JAKMIP3: variants seen among roughly 807,000 people sequenced by gnomAD.
JAKMIP3 encodes the protein janus kinase and microtubule-interacting protein 3.
JAKMIP3 carries 58 observed loss-of-function variants against 118.5 expected under a neutral mutation model. That is an observed-to-expected ratio of 0.49 (90% CI 0.40 to 0.61). The LOEUF (loss-of-function observed/expected upper bound fraction) is 0.61, where lower values mean the gene tolerates loss of function less well. Ranked by LOEUF, JAKMIP3 falls within the 20% of genes least tolerant of loss-of-function variation. The probability of loss-of-function intolerance (pLI) is 0.00; values close to 1 mark genes in which losing one functional copy is unlikely to be tolerated. For synonymous variants in JAKMIP3, 486 were observed against 451.2 expected (o/e 1.08, Z -0.98); for missense variants, 950 against 1,109.0 (o/e 0.86, Z 2.04).
chr10:132,158,107 G>A (rs1279963803), intron 19 of JAKMIP3, among the ~76,000 whole-genome samples: 3 of 9,434 alleles, frequency 3.2e-4, no homozygotes, highest in East Asian at 6.1e-4. Flanking sequence ...CCCCGCCCCC[G>A]GCAGCATCTG....
chr10:132,157,327 C>A (rs1372391658), intron 19 of JAKMIP3, among the ~76,000 whole-genome samples: 1 of 152,092 alleles, frequency 6.6e-6, no homozygotes, highest in Non-Finnish European at 1.5e-5. Flanking sequence ...ACAGCCAGGG[C>A]GCTTCCCACC....
At chr10:132,181,040 C>T (rs1268135820) in intron 23 of JAKMIP3, among the ~76,000 whole-genome samples, 4 of 151,604 alleles carry the variant, frequency 2.6e-5, no homozygotes, top group African/African-American at 9.7e-5. Flanking sequence ...TGCACATGTG[C>T]AGGTATGTGT....
At chr10:132,180,588 T>TGTGTGTGCGTGCGC (rs1565018860) in intron 23 of JAKMIP3, among the ~76,000 whole-genome samples, 1 of 28,026 alleles carries the variant, frequency 3.6e-5, no homozygotes, top group African/African-American at 2.4e-4. Flanking sequence ...TGCGTGCGCG[T>TGTGTGTGCGTGCGC]GTGTGTGTGC....
Position 132,133,218 on chromosome 10 carries a change from A to G in JAKMIP3, c.634-94A>G, listed in dbSNP as rs569915653. On this transcript the variant is annotated intron_variant, in intron 3 of 23. Transcript: ENST00000684848. ...ATGCTTCGCTTTTGCTTCCGGTCTC[A>G]GAGCCCAGAGCCTGGCAGGGCTGCG... is the stretch of plus-strand genomic sequence containing the variant. 9.0e-6 allele frequency: 10 copies of G among 1,114,812 alleles called. No individual in the cohort carries two copies. In the African/African-American group the frequency reaches 9.4e-5, roughly 10 times the overall value. 69.1% of individuals were successfully genotyped at this position (1,114,812 alleles called of 1,614,324 possible).
Position 132,117,424 on chromosome 10 carries a change from C to T in JAKMIP3, c.483C>T (p.Leu161=), listed in dbSNP as rs779747219. Residue 161 remains leucine, a synonymous_variant, in exon 3 of 24, where the codon CTC becomes CTT. Transcript: ENST00000684848. The surrounding 1 kb of genome is among the most constrained non-coding windows in gnomAD (Gnocchi z 8.6). The stretch of plus-strand genomic sequence containing the variant: ...AGATGCAGCAGGAGATCTCCGAGCT[C>T]AAGGGCGCCAAAAGGCAGGTGGAGG... ...KVKMQQEISE[L]KGAKRQVEEA... The T allele has an allele frequency of 9.9e-6, 16 of 1,613,876 alleles. No homozygotes were observed. Among genetic ancestry groups the T allele is most frequent in the Non-Finnish European group, 1.3e-5 (15 of 1,179,914 alleles).
At chr10:132,100,182 C>T (rs540464072) in intron 1 of JAKMIP3, among the ~76,000 whole-genome samples, 16 of 152,280 alleles carry the variant, frequency 1.1e-4, no homozygotes, top group South Asian at 1.0e-3. Context: ...ACGGACCCCC[C>T]GCACAGACCC....
chr10:132,150,865 CATCCTTCATCCTTCATCT>C (rs1222855489), intron 16 of JAKMIP3, among the ~76,000 whole-genome samples: 3 of 152,042 alleles, frequency 2.0e-5, no homozygotes, highest in Admixed American at 1.3e-4. Flanking sequence ...TCCATCTATC[CATCCTTCATCCTTCATCT>C]ATCCTTCATC....
Position 132,046,030 on chromosome 10 carries a change from C to T in JAKMIP3, c.-138+9292C>T, listed in dbSNP as rs187766157. Among the ~76,000 whole-genome samples, 17 of 152,076 alleles carry T rather than the reference C, an allele frequency of 1.1e-4. No individual in the cohort carries two copies. In the East Asian group the frequency reaches 3.3e-3, roughly 29 times the overall value. On this transcript the variant is annotated intron_variant, in intron 1 of 23. Transcript: ENST00000657785. ...GATCTTGAGTGAGTTTTGATAAATTCACACACCTGTGTAACCCACACCCGG... is the reference window on the plus strand; with the variant it reads ...GATCTTGAGTGAGTTTTGATAAATTTACACACCTGTGTAACCCACACCCGG...
chr10:132,139,722 C>T (rs1278249568), intron 9 of JAKMIP3, among the ~76,000 whole-genome samples: 2 of 152,162 alleles, frequency 1.3e-5, no homozygotes, highest in Non-Finnish European at 2.9e-5. Context: ...GGGAGGCACA[C>T]AGGACAGGGG....
At chr10:132,136,460 G>T (rs920834485) in intron 6 of JAKMIP3, among the ~76,000 whole-genome samples, 4 of 152,154 alleles carry the variant, frequency 2.6e-5, no homozygotes, top group African/African-American at 4.8e-5. Context: ...CCAAGCAGGA[G>T]TCGGGGGCAG....
intron 1 of JAKMIP3, among the ~76,000 whole-genome samples, chr10:132,059,507 G>A (rs2038334683): frequency 6.6e-6 from 1 of 152,078 alleles, no homozygotes; most frequent in African/African-American, 2.4e-5. Flanking sequence ...CCCTGTGCAG[G>A]AGGAGGCCAG....
At chr10:132,089,425 T>A (rs1352323913) in intron 1 of JAKMIP3, among the ~76,000 whole-genome samples, 1 of 152,236 alleles carries the variant, frequency 6.6e-6, no homozygotes, top group African/African-American at 2.4e-5. Flanking sequence ...GTCCTTCACA[T>A]CCCTTGTAAG....
At chr10:132,166,065 T>G (rs1472358736) in intron 21 of JAKMIP3, among the ~76,000 whole-genome samples, 1 of 152,226 alleles carries the variant, frequency 6.6e-6, no homozygotes, top group Non-Finnish European at 1.5e-5. Context: ...GGCTCATGCC[T>G]GTAATTCCAG....
chr10:132,048,813 G>T (rs1035457933), intron 1 of JAKMIP3, among the ~76,000 whole-genome samples: 126 of 149,308 alleles, frequency 8.4e-4, no homozygotes, highest in Non-Finnish European at 1.5e-3. Flanking sequence ...ATTTTTTTTT[G>T]TATTTTTTGG....
At chr10:132,139,240 C>CTGTG (rs1284873787) in intron 9 of JAKMIP3, among the ~76,000 whole-genome samples, 3,008 of 84,824 alleles carry the variant, frequency 0.035, 181 homozygotes, top group African/African-American at 0.11. Context: ...GTATATGCAT[C>CTGTG]TGTGTGTGTA....
chr10:132,119,239 A>T (rs1336116692), intron 3 of JAKMIP3, among the ~76,000 whole-genome samples: 3 of 152,108 alleles, frequency 2.0e-5, no homozygotes, highest in South Asian at 4.2e-4. Context: ...ACTTACACCG[A>T]AGTGCAGGTG....
intron 3 of JAKMIP3, among the ~76,000 whole-genome samples, chr10:132,121,707 C>T (rs961357296): frequency 1.1e-4 from 17 of 152,270 alleles, no homozygotes; most frequent in African/African-American, 3.1e-4. Flanking sequence ...GCACTGTGGA[C>T]GAGGCTGGCC....
intron 3 of JAKMIP3, among the ~76,000 whole-genome samples, chr10:132,126,834 T>G (rs2049645537): frequency 6.6e-6 from 1 of 152,234 alleles, no homozygotes. Context: ...GGAATAAATT[T>G]TACTGGGCCA....
At chr10:132,111,751 C>A (rs2046916376) in intron 2 of JAKMIP3, among the ~76,000 whole-genome samples, 1 of 152,114 alleles carries the variant, frequency 6.6e-6, no homozygotes, top group Admixed American at 6.5e-5. Context: ...CATGACCTGA[C>A]TTCTATTTGC....
Sources: gnomAD v4.1 joint callset for allele counts (sites outside exome capture counted in the v4.1 genomes callset) on GRCh38, gnomAD v4.1.1 for gene constraint, Gnocchi (gnomAD v3.1) non-coding constraint, MANE v1.5 for transcripts, NCBI Gene and HGNC (gene_info 2026-07-23, HGNC 2026-07-21) for gene names.